Variants in STAMBPL1 observed in about 807,000 individuals in gnomAD.
STAMBPL1 encodes AMSH-like protease.
STAMBPL1 carries 44 observed loss-of-function variants against 52.9 expected under a neutral mutation model. The ratio of observed to expected loss-of-function variants is 0.83; its 90% CI spans 0.65 to 1.07. The LOEUF is 1.07. STAMBPL1 is among the 50% of genes least tolerant of loss of function. STAMBPL1 has a pLI of 0.00. For synonymous variants in STAMBPL1, 164 were observed against 177.3 expected (o/e 0.92, Z 0.60); for missense variants, 511 against 520.8 (o/e 0.98, Z 0.18).
intron 4 of STAMBPL1, among the ~76,000 whole-genome samples, chr10:88,910,060 G>A (rs1473503158): frequency 1.3e-5 from 2 of 152,038 alleles, no homozygotes; most frequent in African/African-American, 4.8e-5. Context: ...CTATAACTTA[G>A]GGTTATGCTT....
intron 3 of STAMBPL1, 87 bp downstream of exon 3, chr10:88,905,747 G>A (rs1845057728): frequency 9.3e-7 from 1 of 1,077,612 alleles, no homozygotes; most frequent in Admixed American, 2.2e-5. Flanking sequence ...TATCAGTAAT[G>A]TTTTCATATT....
intron 1 of STAMBPL1, among the ~76,000 whole-genome samples, chr10:88,890,280 T>G (rs1457626248): frequency 6.6e-6 from 1 of 152,200 alleles, no homozygotes; most frequent in African/African-American, 2.4e-5. Flanking sequence ...AGAACATCAT[T>G]CAAGGGCTTT....
In STAMBPL1 at chr10:88,889,960, C is replaced by A. The variant is rs1844636668; in HGVS notation, c.-54+9322C>A. Among the ~76,000 whole-genome samples the A allele has an allele frequency of 2.0e-5, 3 of 152,042 alleles. No homozygotes were observed. In the South Asian group the frequency reaches 6.2e-4, roughly 32 times the overall value. On this transcript the variant is annotated intron_variant, in intron 1 of 10. Transcript: ENST00000371926. ...TTTAAGAGCATTGGCTGATTGTTTC[C>A]TAGAAAATCCCTTGATTTGGGTTTA...
Position 88,911,068 on chromosome 10 carries a change from A to C in STAMBPL1, c.420+57A>C, listed in dbSNP as rs990165747. 3 of 1,189,020 alleles carry C rather than the reference A, an allele frequency of 2.5e-6. No individual in the cohort carries two copies. In the African/African-American group the frequency reaches 4.8e-5, roughly 19 times the overall value. The allele number at this position is 1,189,020 out of a possible 1,614,324, so 73.7% of individuals were successfully genotyped here. On this transcript the variant is annotated intron_variant, in intron 5 of 10. Transcript: ENST00000371926. Reference sequence around the variant, plus strand: ...TATTTTATGTACAAGTATTTTTTGAATTTCATTTTTATGTGATGAGTTTTT... The same window carrying C: ...TATTTTATGTACAAGTATTTTTTGACTTTCATTTTTATGTGATGAGTTTTT...
At chr10:88,912,910 G>T (rs56401361) in intron 5 of STAMBPL1, 191 bp from the exon 6 acceptor site, 11 of 600,056 alleles carry the variant, frequency 1.8e-5, no homozygotes, top group Admixed American at 1.2e-4. Context: ...ATTTAGAACT[G>T]CTATGTTAAT....
chr10:88,923,182 G>A lies in STAMBPL1; in HGVS notation c.1269G>A (p.Val423=). The change falls in exon 11 of 11, where the codon GTG becomes GTA. Residue 423 remains valine, a synonymous_variant. Transcript: ENST00000371926. The part of the protein sequence containing the change: ...EPRLFSICKH[V]LVKDIKIIVL... ...TTCTTTCCTAGATATGCAAACATGT[G>A]TTGGTAAAAGACATAAAAATAATTG... 10 of 1,605,214 alleles carry A rather than the reference G, an allele frequency of 6.2e-6. No homozygotes were observed. Among genetic ancestry groups the A allele is most frequent in the Non-Finnish European group, 8.5e-6 (10 of 1,177,876 alleles).
At chr10:88,883,526 T>A (rs1458402862) in intron 1 of STAMBPL1, among the ~76,000 whole-genome samples, 1 of 152,250 alleles carries the variant, frequency 6.6e-6, no homozygotes, top group African/African-American at 2.4e-5. Context: ...TAGCTACATC[T>A]GGATGTGGCT....
rs1247516027 is a variant in STAMBPL1, at chr10:88,913,527, T to C, written c.778+69T>C. On this transcript the variant is annotated intron_variant, in intron 6 of 10. Coordinates refer to ENST00000371926, the MANE Select transcript of STAMBPL1 (RefSeq NM_020799.4). ...GATGGAACCATATTTCTATAGCATC[T>C]GGGAGGGTCCTTCTCATTTCATTAT... The C allele has an allele frequency of 3.0e-6, 4 of 1,336,772 alleles. No homozygotes were observed. The African/African-American group carries it at 5.8e-5, about 20-fold the overall frequency. The allele number at this position is 1,336,772 out of a possible 1,614,324, so 82.8% of individuals were successfully genotyped here.
intron 1 of STAMBPL1, among the ~76,000 whole-genome samples, chr10:88,887,003 C>T (rs2133120075): frequency 6.6e-6 from 1 of 152,286 alleles, no homozygotes; most frequent in South Asian, 2.1e-4. Context: ...GCTCATGCTT[C>T]GGTCTTCTGG....
In STAMBPL1 at chr10:88,921,333, C is replaced by G; in HGVS notation, c.1092C>G (p.His364Gln). 1.2e-6 allele frequency: 2 copies of G among 1,613,414 alleles called. No individual in the cohort carries two copies. Among genetic ancestry groups the G allele is most frequent in the Non-Finnish European group, 1.7e-6 (2 of 1,179,528 alleles). Residue 364 changes from histidine to glutamine, a missense_variant, in exon 9 of 11, where the codon CAC (histidine) becomes CAG (glutamine). By Grantham distance (24) the His-to-Gln change is conservative (BLOSUM62 0). Transcript: ENST00000371926. ...AFLSSVDLHT[H>Q]CSYQLMLPEA... ...TATCCAGCGTTGATCTTCACACTCA[C>G]TGTTCCTATCAACTCATGTTGCCAG... is the stretch of plus-strand genomic sequence containing the variant.
chr10:88,880,870 G>A (rs1200975216), intron 1 of STAMBPL1, among the ~76,000 whole-genome samples: 1 of 152,228 alleles, frequency 6.6e-6, no homozygotes, highest in Non-Finnish European at 1.5e-5. Flanking sequence ...CCCTCCGCTG[G>A]GCCCTCTGGG....
intron 8 of STAMBPL1, among the ~76,000 whole-genome samples, chr10:88,918,050 C>T (rs1466878986): frequency 6.6e-6 from 1 of 152,070 alleles, no homozygotes. Flanking sequence ...CTCCCAAAGA[C>T]CACACTTCTT....
chr10:88,903,142 T>C (rs1411529874), intron 2 of STAMBPL1, among the ~76,000 whole-genome samples: 1 of 152,234 alleles, frequency 6.6e-6, no homozygotes, highest in Non-Finnish European at 1.5e-5. Flanking sequence ...GCTTTTTATC[T>C]GGAAAATTTG....
At chr10:88,905,735 G>T in intron 3 of STAMBPL1, 75 bp downstream of exon 3, 1 of 1,199,958 alleles carries the variant, frequency 8.3e-7, no homozygotes, top group Admixed American at 2.0e-5. Context: ...TGGCAGTTTG[G>T]GTATCAGTAA....
chr10:88,913,356 T>C lies in STAMBPL1; in HGVS notation c.676T>C (p.Phe226Leu), dbSNP rs767785153. Residue 226 changes from phenylalanine to leucine, a missense_variant, in exon 6 of 11, where the codon TTT (phenylalanine) becomes CTT (leucine). Around this residue, in one of 3 missense-constraint regions of STAMBPL1, gnomAD observed 358 missense variants for 343.5 expected, o/e 1.04. Coordinates refer to ENST00000371926, the MANE Select transcript of STAMBPL1 (RefSeq NM_020799.4). ...CCAGAACAATTCCTTGCTGAATGTA[T>C]TTGCAGATCAACCTAATAAAAGTGA... The part of the protein sequence containing the change: ...THQNNSLLNV[F>L]ADQPNKSDAT... 15 of 1,613,920 alleles carry C rather than the reference T, an allele frequency of 9.3e-6. No individual in the cohort carries two copies. Among genetic ancestry groups the C allele is most frequent in the South Asian group, 4.4e-5 (4 of 91,080 alleles).
rs1409803316 is a variant in STAMBPL1, at chr10:88,923,418, A to G, written c.*194A>G. On this transcript the variant is annotated 3_prime_UTR_variant, in exon 11 of 11. Coordinates refer to ENST00000371926, the MANE Select transcript of STAMBPL1 (RefSeq NM_020799.4). ...GTTGCTCTGTGTCAAGAGAGGTTACATGGTGTTAAATCGGTACCTGATAAT... is the reference window on the plus strand; with the variant it reads ...GTTGCTCTGTGTCAAGAGAGGTTACGTGGTGTTAAATCGGTACCTGATAAT... The G allele has an allele frequency of 4.5e-6, 6 of 1,328,420 alleles. No individual in the cohort carries two copies. The East Asian group carries it at 1.2e-4, about 26-fold the overall frequency. 82.3% of individuals were successfully genotyped at this position (1,328,420 alleles called of 1,614,324 possible). A position where few individuals can be genotyped will look rare whatever the true frequency, so the allele number is the denominator to read the frequency against.
chr10:88,911,135 G>A (rs562480820), intron 5 of STAMBPL1, 124 bp downstream of exon 5: 1 of 576,500 alleles, frequency 1.7e-6, no homozygotes, highest in Non-Finnish European at 2.8e-6. Context: ...AAGATGCAGT[G>A]ATATGGAACC....
chr10:88,894,241 C>T lies in STAMBPL1; in HGVS notation c.-53-7415C>T, dbSNP rs143526032. 4.6e-4 allele frequency among the ~76,000 whole-genome samples: 70 copies of T among 152,276 alleles called. 2 individuals are homozygous for T. The East Asian group carries it at 0.012, about 27-fold the overall frequency. On this transcript the variant is annotated intron_variant, in intron 1 of 10. Coordinates refer to ENST00000371926, the MANE Select transcript of STAMBPL1 (RefSeq NM_020799.4). ...AATTCAGATGTTCTAACCCTGGAGA[C>T]TGCATGTCTAATCCCAAGGCTCAAC...
chr10:88,896,159 A>G (rs1018021515), intron 1 of STAMBPL1, among the ~76,000 whole-genome samples: 4 of 152,234 alleles, frequency 2.6e-5, no homozygotes, highest in Admixed American at 6.5e-5. Flanking sequence ...TATCTTATCA[A>G]TATTTTAGTA....
Sources: allele counts gnomAD v4.1 joint callset (sites outside exome capture counted in the v4.1 genomes callset), GRCh38; gene constraint gnomAD v4.1.1; regional missense constraint gnomAD v4.1.1; transcripts MANE v1.5; gene names NCBI Gene and HGNC (gene_info 2026-07-23, HGNC 2026-07-21).